The following ZBTB45 variants were observed in gnomAD, a reference collection of about 807,000 sequenced individuals.
ZBTB45 encodes the protein zinc finger and BTB domain-containing protein 45.
A neutral mutation model predicts 28.4 loss-of-function variants in ZBTB45; 22 were observed. The observed-to-expected ratio is 0.77, with a 90% confidence interval of 0.55 to 1.10. The LOEUF (loss-of-function observed/expected upper bound fraction) is 1.10, where lower values mean the gene tolerates loss of function less well. Ranked by LOEUF, ZBTB45 falls within the 50% of genes least tolerant of loss-of-function variation. The pLI is 0.00. For missense variants in ZBTB45, 656 were observed against 750.2 expected, an observed-to-expected ratio of 0.87 and a Z score of 1.47; for synonymous variants, 361 against 332.3, an observed-to-expected ratio of 1.09 and a Z score of -0.94.
In ZBTB45 at chr19:58,516,715, G is replaced by C. The variant is rs1433049716; in HGVS notation, c.959C>G (p.Pro320Arg). 1 of 1,599,104 alleles carries C rather than the reference G, an allele frequency of 6.3e-7. No individual in the cohort carries two copies. Reference sequence around the variant, plus strand: ...GGGCGGCCCTGGGGTCTTCACACCAGGCGGGCGGGATCCAGACAGTATGCA... The same window carrying C: ...GGGCGGCCCTGGGGTCTTCACACCACGCGGGCGGGATCCAGACAGTATGCA... ...PDCILSGSRP[P>R]GVKTPGPPVA... The change falls in exon 2 of 3, where the codon CCT (proline) becomes CGT (arginine). Residue 320 changes from proline (P) to arginine (R), a missense_variant. Physicochemically the swap from Pro to Arg is moderately radical, Grantham distance 103. Around this residue, in one of 3 missense-constraint regions of ZBTB45, gnomAD observed 448 missense variants for 444.3 expected, o/e 1.01. Transcript: ENST00000594051. This position sits in a 1 kb window ranked among gnomAD's most constrained non-coding sequence, Gnocchi z 6.2.
In ZBTB45 at chr19:58,515,325, T is replaced by TAA. The variant is rs35390254; in HGVS notation, c.1280-1017_1280-1016dup. 2.3e-3 allele frequency among the ~76,000 whole-genome samples: 326 copies of TAA among 144,204 alleles called. 6 individuals carry two copies. Among genetic ancestry groups the TAA allele is most frequent in the Middle Eastern group, 0.018 (5 of 282 alleles). 94.6% of individuals were successfully genotyped at this position (144,204 alleles called of 152,430 possible). ...AGGGAGACTCGGTCTCAAAAAAAAT[T>TAA]AAAAAAAAAAAAACCCTATCTCAGT... On this transcript the variant is annotated intron_variant, in intron 2 of 2. Coordinates refer to ENST00000594051, the MANE Select transcript of ZBTB45 (RefSeq NM_001316979.2). The surrounding 1 kb of genome is among the most constrained non-coding windows in gnomAD (Gnocchi z 4.7).
intron 1 of ZBTB45, among the ~76,000 whole-genome samples, chr19:58,529,724 C>A (rs190645957): frequency 1.3e-5 from 2 of 152,314 alleles, no homozygotes; most frequent in East Asian, 3.9e-4. Context: ...CCGTCATCTA[C>A]ATTAGGTATT....
Position 58,513,827 on chromosome 19 carries a change from A to G in ZBTB45, c.*227T>C. 1 of 503,404 alleles carries G rather than the reference A, an allele frequency of 2.0e-6. No individual in the cohort carries two copies. The highest frequency in any genetic ancestry group is 4.6e-4 in the Middle Eastern group (1 of 2,154). The allele number at this position is 503,404 out of a possible 1,614,324, so 31.2% of individuals were successfully genotyped here. A position where few individuals can be genotyped will look rare whatever the true frequency, so the allele number is the denominator to read the frequency against. The stretch of plus-strand genomic sequence containing the variant: ...ATAGTCCAGTTCTCAGAAGTGGTCT[A>G]ACCAGCCCCAGCCCCAGCCCGGCAC... On this transcript the variant is annotated 3_prime_UTR_variant, in exon 3 of 3. Transcript: ENST00000594051.
At chr19:58,524,835 A>G (rs2053599238) in intron 1 of ZBTB45, among the ~76,000 whole-genome samples, 1 of 149,882 alleles carries the variant, frequency 6.7e-6, no homozygotes. Flanking sequence ...GTGAGCCGAG[A>G]TTGCGCCACT....
At chr19:58,531,213 G>C in intron 1 of ZBTB45, among the ~76,000 whole-genome samples, 1 of 152,210 alleles carries the variant, frequency 6.6e-6, no homozygotes, top group Non-Finnish European at 1.5e-5. Context: ...ATTGCGGTTT[G>C]ATTTGCATTT....
Position 58,515,908 on chromosome 19 carries a change from C to T in ZBTB45, c.1279+487G>A, listed in dbSNP as rs2053486428. ...CTACCTATGTTTTCCTACTCATGCC[C>T]CAGTCTCAGGAGTTCCTGGGGCCTT... is the stretch of plus-strand genomic sequence containing the variant. On this transcript the variant is annotated intron_variant, in intron 2 of 2. Transcript: ENST00000594051. This position sits in a 1 kb window ranked among gnomAD's most constrained non-coding sequence, Gnocchi z 4.7. 1.3e-5 allele frequency among the ~76,000 whole-genome samples: 2 copies of T among 152,140 alleles called. No homozygotes were observed. The highest frequency in any genetic ancestry group is 1.5e-5 in the Non-Finnish European group (1 of 68,012).
At chr19:58,520,908 T>C (rs1408145520), upstream of ZBTB45, among the ~76,000 whole-genome samples, 1 of 147,312 alleles carries the variant, frequency 6.8e-6, no homozygotes, top group African/African-American at 2.5e-5. Context: ...GAAAATTAGC[T>C]GGGCGTGGTG....
Position 58,516,164 on chromosome 19 carries a change from C to T in ZBTB45, c.1279+231G>A, listed in dbSNP as rs2053489943. The stretch of plus-strand genomic sequence containing the variant: ...AAAGGCCAGGACAGGCTCCTGCTTC[C>T]CTACCCAGCCTCAGGATCCCCCTCC... On this transcript the variant is annotated intron_variant, in intron 2 of 2. Transcript: ENST00000594051. The surrounding 1 kb of genome is among the most constrained non-coding windows in gnomAD (Gnocchi z 6.2). 6.6e-6 allele frequency among the ~76,000 whole-genome samples: 1 copy of T among 152,182 alleles called. No individual in the cohort carries two copies.
At position 58,531,677 on chromosome 19, in the gene ZBTB45, GCAT is replaced by G. The variant is rs201666577; in HGVS notation, c.-1+7021_-1+7023del. Among the ~76,000 whole-genome samples the G allele has an allele frequency of 5.3e-3, 805 of 152,276 alleles. 8 individuals are homozygous for G. The highest frequency in any genetic ancestry group is 0.019 in the African/African-American group (775 of 41,546). On this transcript the variant is annotated intron_variant, in intron 1 of 1. Transcript: ENST00000600130. ...AGAGTGAGGGGCTGGCTTAAAATCA[GCAT>G]CATATGGTGACAGATGGGTTTATTT...
At chr19:58,526,725 G>T (rs1421882275) in intron 1 of ZBTB45, among the ~76,000 whole-genome samples, 1 of 147,950 alleles carries the variant, frequency 6.8e-6, no homozygotes, top group Non-Finnish European at 1.5e-5. Context: ...TAGAGACGGG[G>T]TTTCACCGTT....
upstream of ZBTB45, among the ~76,000 whole-genome samples, chr19:58,523,374 G>A (rs995292996): frequency 6.6e-5 from 10 of 150,736 alleles, no homozygotes; most frequent in Non-Finnish European, 1.2e-4. Context: ...GGTGAAACCC[G>A]GTCTCTACTA....
chr19:58,515,122 C>T lies in ZBTB45; in HGVS notation c.1280-812G>A, dbSNP rs1568639588. The stretch of plus-strand genomic sequence containing the variant: ...GGCAGATCGCTTGAGGCCAGGAGTT[C>T]GAGACCAACGTGGTGAAACCCCATC... On this transcript the variant is annotated intron_variant, in intron 2 of 2. Coordinates refer to ENST00000594051, the MANE Select transcript of ZBTB45 (RefSeq NM_001316979.2). The surrounding 1 kb of genome is among the most constrained non-coding windows in gnomAD (Gnocchi z 4.7). Among the ~76,000 whole-genome samples the T allele has an allele frequency of 6.6e-6, 1 of 152,032 alleles. No individual in the cohort carries two copies. Among genetic ancestry groups the T allele is most frequent in the Admixed American group, 6.6e-5 (1 of 15,260 alleles).
chr19:58,523,668 TTTTG>T (rs201887642), upstream of ZBTB45, among the ~76,000 whole-genome samples: 1,822 of 147,482 alleles, frequency 0.012, 33 homozygotes, highest in African/African-American at 0.042. Context: ...ACTCCATCTT[TTTTG>T]TTTGTTTGTT....
At chr19:58,528,661 G>A (rs1463601710) in intron 1 of ZBTB45, among the ~76,000 whole-genome samples, 2 of 152,058 alleles carry the variant, frequency 1.3e-5, no homozygotes, top group Admixed American at 6.5e-5. Context: ...TTGGGAGGCC[G>A]AGGTGGGCGG....
At chr19:58,535,190 T>C (rs2053654245) in intron 1 of ZBTB45, among the ~76,000 whole-genome samples, 1 of 151,886 alleles carries the variant, frequency 6.6e-6, no homozygotes, top group African/African-American at 2.4e-5. Flanking sequence ...GTATTTTTAG[T>C]ACAGACAGGG....
chr19:58,528,906 TA>T (rs1436167321), intron 1 of ZBTB45, among the ~76,000 whole-genome samples: 2 of 144,116 alleles, frequency 1.4e-5, no homozygotes, highest in Non-Finnish European at 3.0e-5. Flanking sequence ...AAAATAATAA[TA>T]ATAATTAAAA....
upstream of ZBTB45, among the ~76,000 whole-genome samples, chr19:58,524,435 A>ATGTGTGTGTG (rs56704623): frequency 0.036 from 4,955 of 138,210 alleles, 188 homozygotes; most frequent in East Asian, 0.17. Flanking sequence ...GTGTTCATAT[A>ATGTGTGTGTG]TGTGTGTGTG....
upstream of ZBTB45, among the ~76,000 whole-genome samples, chr19:58,522,159 CT>C (rs566701490): frequency 6.1e-3 from 829 of 135,308 alleles, 3 homozygotes; most frequent in African/African-American, 0.016. Flanking sequence ...CCCGTCTCTA[CT>C]TTTTTTTTTT....
upstream of ZBTB45, among the ~76,000 whole-genome samples, chr19:58,522,362 A>G (rs1389605757): frequency 1.4e-5 from 2 of 147,758 alleles, no homozygotes; most frequent in African/African-American, 2.5e-5. Flanking sequence ...GTGTTTCACC[A>G]TGTTCACCAG....
Sources: allele counts gnomAD v4.1 joint callset (sites outside exome capture counted in the v4.1 genomes callset), GRCh38; gene constraint gnomAD v4.1.1; regional missense constraint gnomAD v4.1.1; non-coding constraint Gnocchi (gnomAD v3.1); transcripts MANE v1.5; gene names NCBI Gene and HGNC (gene_info 2026-07-23, HGNC 2026-07-21).